CARMIL1: variants seen among roughly 807,000 people sequenced by gnomAD.
The protein encoded by CARMIL1 is capping protein regulator and myosin 1 linker 1.
CARMIL1 carries 90 observed loss-of-function variants against 177.1 expected under a neutral mutation model. The observed-to-expected ratio is 0.51, with a 90% CI of 0.43 to 0.61. The LOEUF (loss-of-function observed/expected upper bound fraction) is 0.61. CARMIL1 is among the 20% of genes least tolerant of loss of function. The pLI, the probability that CARMIL1 is intolerant of heterozygous loss-of-function variation, is 0.00. For missense variants in CARMIL1, 1,380 were observed against 1,667.0 expected, an observed-to-expected ratio of 0.83 and a Z score of 3.00; for synonymous variants, 577 against 606.2, an observed-to-expected ratio of 0.95 and a Z score of 0.71.
intron 36 of CARMIL1, among the ~76,000 whole-genome samples, chr6:25,617,270 C>A (rs145579644): frequency 6.6e-6 from 1 of 152,144 alleles, no homozygotes; most frequent in South Asian, 2.1e-4. Context: ...GTTGTAATGA[C>A]CCTGGTCTAT....
intron 3 of CARMIL1, 70 bp downstream of exon 3, chr6:25,420,234 G>A (rs755334441): frequency 2.1e-5 from 30 of 1,418,494 alleles, no homozygotes; most frequent in Admixed American, 8.4e-5. Flanking sequence ...AGTCACTCAT[G>A]CATTCTTACA....
chr6:25,390,903 T>C (rs1469462745), intron 2 of CARMIL1, among the ~76,000 whole-genome samples: 1 of 152,218 alleles, frequency 6.6e-6, no homozygotes, highest in Non-Finnish European at 1.5e-5. Context: ...GGTTTCACCA[T>C]GTTGGCCAGG....
intron 2 of CARMIL1, among the ~76,000 whole-genome samples, chr6:25,341,511 G>T (rs186665178): frequency 6.0e-4 from 92 of 152,312 alleles, no homozygotes; most frequent in Middle Eastern, 3.4e-3. Context: ...ATCACCTGAG[G>T]TCAGGAGTTC....
intron 3 of CARMIL1, among the ~76,000 whole-genome samples, chr6:25,422,587 TA>T (rs1352574489): frequency 2.6e-5 from 4 of 152,216 alleles, no homozygotes; most frequent in Non-Finnish European, 5.9e-5. Flanking sequence ...TTATGTTTTA[TA>T]AATAAATTAG....
intron 29 of CARMIL1, among the ~76,000 whole-genome samples, chr6:25,569,133 G>A (rs753434550): frequency 3.3e-5 from 5 of 152,184 alleles, no homozygotes; most frequent in Non-Finnish European, 7.3e-5. Flanking sequence ...AGAATAGAGT[G>A]TATGAATGAT....
chr6:25,332,413 T>G (rs1032239231), intron 2 of CARMIL1, among the ~76,000 whole-genome samples: 16 of 152,098 alleles, frequency 1.1e-4, no homozygotes, highest in African/African-American at 3.9e-4. Context: ...CTTGGGTGAG[T>G]GTTTGCAGTG....
intron 2 of CARMIL1, among the ~76,000 whole-genome samples, chr6:25,357,813 C>T (rs1390192665): frequency 2.6e-5 from 4 of 152,184 alleles, no homozygotes; most frequent in Non-Finnish European, 5.9e-5. Flanking sequence ...ATGAAGTTAG[C>T]ACACCTATTT....
At chr6:25,535,950 A>C (rs1392339312) in intron 24 of CARMIL1, among the ~76,000 whole-genome samples, 4 of 152,182 alleles carry the variant, frequency 2.6e-5, no homozygotes, top group Non-Finnish European at 5.9e-5. Context: ...GTTCTTTTGC[A>C]TGACATTTTA....
At chr6:25,445,475 C>T (rs1798138796) in intron 5 of CARMIL1, among the ~76,000 whole-genome samples, 2 of 151,886 alleles carry the variant, frequency 1.3e-5, no homozygotes, top group African/African-American at 4.8e-5. Flanking sequence ...ATTTACTTTG[C>T]CCAGATGCAT....
At position 25,531,559 on chromosome 6, in the gene CARMIL1, G is replaced by A. The variant is rs575535929; in HGVS notation, c.2067+2666G>A. Among the ~76,000 whole-genome samples, 16 of 152,292 alleles carry A rather than the reference G, an allele frequency of 1.1e-4. No homozygotes were observed. In the South Asian group the frequency reaches 2.9e-3, roughly 28 times the overall value. On this transcript the variant is annotated intron_variant, in intron 24 of 36. Coordinates refer to ENST00000329474, the MANE Select transcript of CARMIL1 (RefSeq NM_017640.6). ...TAAGCAAGAAAAAGTAAACCAATAT[G>A]TGTTGAGAAGAAAAGTTATACTAGT...
rs116424274 is a variant in CARMIL1, at chr6:25,559,621, A to G, written c.2742+2771A>G. 3.8e-3 allele frequency among the ~76,000 whole-genome samples: 577 copies of G among 152,288 alleles called. 3 individuals are homozygous for G. The highest frequency in any genetic ancestry group is 0.012 in the African/African-American group (514 of 41,562). The stretch of plus-strand genomic sequence containing the variant: ...CTTTGGGAGATGTTGTAATTTTACT[A>G]TTACCAAAAATGTTTGTTTATAGCC... On this transcript the variant is annotated intron_variant, in intron 29 of 36. Coordinates refer to ENST00000329474, the MANE Select transcript of CARMIL1 (RefSeq NM_017640.6).
At chr6:25,366,502 A>C (rs970836457) in intron 2 of CARMIL1, among the ~76,000 whole-genome samples, 1 of 151,700 alleles carries the variant, frequency 6.6e-6, no homozygotes, top group Non-Finnish European at 1.5e-5. Context: ...TCAGCTTTGA[A>C]CATGCCCCTA....
At chr6:25,463,929 TCTC>T (rs1800357209) in intron 8 of CARMIL1, among the ~76,000 whole-genome samples, 1 of 145,398 alleles carries the variant, frequency 6.9e-6, no homozygotes, top group Non-Finnish European at 1.5e-5. Context: ...TTCACGCCAT[TCTC>T]CTGCCTCAGC....
At chr6:25,557,183 A>G (rs768295318) in intron 29 of CARMIL1, among the ~76,000 whole-genome samples, 24 of 152,180 alleles carry the variant, frequency 1.6e-4, no homozygotes, top group Non-Finnish European at 3.2e-4. Context: ...ACTTTTTCAA[A>G]TAAAAAATAT....
At chr6:25,495,617 T>G (rs1483012366) in intron 16 of CARMIL1, among the ~76,000 whole-genome samples, 3 of 151,596 alleles carry the variant, frequency 2.0e-5, no homozygotes, top group Non-Finnish European at 4.4e-5. Context: ...CTAATAGTAA[T>G]AAACTCTAAA....
At chr6:25,617,373 A>G (rs1188636052) in intron 36 of CARMIL1, among the ~76,000 whole-genome samples, 3 of 151,958 alleles carry the variant, frequency 2.0e-5, no homozygotes, top group African/African-American at 7.2e-5. Flanking sequence ...GTATCATACA[A>G]CATGAGTTAG....
intron 8 of CARMIL1, among the ~76,000 whole-genome samples, chr6:25,459,968 G>A (rs1035757784): frequency 6.6e-6 from 1 of 152,234 alleles, no homozygotes; most frequent in Non-Finnish European, 1.5e-5. Flanking sequence ...AGTGGGGGAT[G>A]TACAATAAAT....
intron 5 of CARMIL1, among the ~76,000 whole-genome samples, chr6:25,443,532 G>A (rs1364005304): frequency 6.6e-6 from 1 of 152,080 alleles, no homozygotes; most frequent in African/African-American, 2.4e-5. Context: ...AGGTACTATG[G>A]GTTTGGTTCC....
chr6:25,586,820 G>A (rs1056778536), intron 31 of CARMIL1, among the ~76,000 whole-genome samples: 8 of 152,010 alleles, frequency 5.3e-5, no homozygotes, highest in Admixed American at 1.3e-4. Context: ...CAGGCGTGGC[G>A]GCGCGCGCCT....
Sources: allele counts gnomAD v4.1 joint callset (sites outside exome capture counted in the v4.1 genomes callset), GRCh38; gene constraint gnomAD v4.1.1; transcripts MANE v1.5; gene names NCBI Gene and HGNC (gene_info 2026-07-23, HGNC 2026-07-21).